The following CCDC179 variants were observed in gnomAD, a reference collection of about 807,000 sequenced individuals.
CCDC179 encodes coiled-coil domain-containing protein 179.
CCDC179 carries 17 observed loss-of-function variants against 12.0 expected under a neutral mutation model. The observed-to-expected ratio is 1.42, with a 90% CI of 0.97 to 2.13. The LOEUF (loss-of-function observed/expected upper bound fraction) is 2.13. Among genes scored for constraint, CCDC179 ranks in the 30% most tolerant of loss-of-function variants. The pLI is 0.00. For missense variants in CCDC179, 83 were observed against 78.6 expected (o/e 1.06, Z -0.21); for synonymous variants, 27 against 26.4 (o/e 1.02, Z -0.07).
In CCDC179 at chr11:22,857,905, G is replaced by A. The variant is rs1174538425; in HGVS notation, c.195+17C>T. The A allele has an allele frequency of 7.9e-7, 1 of 1,270,084 alleles. No homozygotes were observed. The highest frequency in any genetic ancestry group is 2.8e-5 in the Admixed American group (1 of 35,434). 78.7% of individuals were successfully genotyped at this position (1,270,084 alleles called of 1,614,324 possible). On this transcript the variant is annotated intron_variant, in intron 3 of 3. Coordinates refer to ENST00000532798, the MANE Select transcript of CCDC179 (RefSeq NM_001195637.2). ...CATTTAATGATCTGTTAATTTCAGT[G>A]AAACCTCTATACTTACTAGGAGTCC...
intron 3 of CCDC179, among the ~76,000 whole-genome samples, chr11:22,852,366 G>A (rs1262509406): frequency 6.6e-6 from 1 of 152,124 alleles, no homozygotes; most frequent in Non-Finnish European, 1.5e-5. Flanking sequence ...CTAATGAAAG[G>A]CCACAAGGTT....
chr11:22,850,498 G>A (rs1400441828), intron 3 of CCDC179, among the ~76,000 whole-genome samples: 1 of 152,074 alleles, frequency 6.6e-6, no homozygotes, highest in Admixed American at 6.6e-5. Flanking sequence ...TGTTTGATGT[G>A]CATTTAGCCT....
chr11:22,851,638 C>T (rs1858406170), intron 3 of CCDC179, among the ~76,000 whole-genome samples: 1 of 152,164 alleles, frequency 6.6e-6, no homozygotes, highest in Non-Finnish European at 1.5e-5. Context: ...TTACATTCAT[C>T]AGAGAAGTGA....
Position 22,860,143 on chromosome 11 carries a change from A to C in CCDC179, c.45+234T>G, listed in dbSNP as rs2240940. ...CTAGGGCAGGCCAATGGGGCAGTCAACATACAGGTGATGTACCTGACCCCT... is the reference window on the plus strand; with the variant it reads ...CTAGGGCAGGCCAATGGGGCAGTCACCATACAGGTGATGTACCTGACCCCT... On this transcript the variant is annotated intron_variant, in intron 1 of 3. Coordinates refer to ENST00000532798, the MANE Select transcript of CCDC179 (RefSeq NM_001195637.2). Among the ~76,000 whole-genome samples the C allele has an allele frequency of 5.4e-4, 82 of 152,330 alleles. No individual in the cohort carries two copies. The East Asian group carries it at 9.4e-3, about 18-fold the overall frequency.
intron 3 of CCDC179, among the ~76,000 whole-genome samples, chr11:22,856,772 CAAT>C (rs1332246230): frequency 6.6e-6 from 1 of 151,216 alleles, no homozygotes; most frequent in Non-Finnish European, 1.5e-5. Flanking sequence ...AAAGAATCAA[CAAT>C]AACAATAAAA....
intron 3 of CCDC179, among the ~76,000 whole-genome samples, chr11:22,851,986 G>A (rs772994917): frequency 6.6e-5 from 10 of 152,202 alleles, no homozygotes; most frequent in East Asian, 1.9e-4. Flanking sequence ...AGAGCTCTCC[G>A]TTCTCTTTAC....
intron 3 of CCDC179, among the ~76,000 whole-genome samples, chr11:22,855,938 G>A (rs1670255689): frequency 6.6e-6 from 1 of 151,196 alleles, no homozygotes; most frequent in Non-Finnish European, 1.5e-5. Context: ...AGATAAAACT[G>A]ACTAAATCTA....
chr11:22,856,036 C>T (rs991074255), intron 3 of CCDC179, among the ~76,000 whole-genome samples: 2 of 151,118 alleles, frequency 1.3e-5, no homozygotes, highest in South Asian at 2.1e-4. Flanking sequence ...TAATAATTAC[C>T]AATCTTTCAA....
chr11:22,855,193 C>G (rs1858505637), intron 3 of CCDC179, among the ~76,000 whole-genome samples: 1 of 151,600 alleles, frequency 6.6e-6, no homozygotes, highest in Non-Finnish European at 1.5e-5. Flanking sequence ...TGAACAGCAC[C>G]ATCAGTCAGT....
chr11:22,852,095 T>G (rs988769274), intron 3 of CCDC179, among the ~76,000 whole-genome samples: 7 of 152,214 alleles, frequency 4.6e-5, no homozygotes, highest in South Asian at 4.1e-4. Flanking sequence ...ACACAACTCC[T>G]GTTCCCTATA....
chr11:22,851,500 G>T (rs1858403316), intron 3 of CCDC179, among the ~76,000 whole-genome samples: 1 of 152,202 alleles, frequency 6.6e-6, no homozygotes, highest in Non-Finnish European at 1.5e-5. Flanking sequence ...GGGGTGGCCA[G>T]TTAAACAATT....
chr11:22,847,668 C>T (rs912694800), intron 3 of CCDC179, 147 bp from the exon 4 acceptor site: 1 of 407,744 alleles, frequency 2.5e-6, no homozygotes, highest in South Asian at 8.8e-5. Flanking sequence ...TCATTAATAG[C>T]TAGGAATGCT....
intron 3 of CCDC179, among the ~76,000 whole-genome samples, chr11:22,855,787 A>T (rs1858516099): frequency 6.6e-6 from 1 of 151,392 alleles, no homozygotes; most frequent in Non-Finnish European, 1.5e-5. Flanking sequence ...AGTAAAATTG[A>T]TAAACTTTTG....
intron 3 of CCDC179, among the ~76,000 whole-genome samples, chr11:22,849,640 C>T (rs1043993888): frequency 5.3e-5 from 8 of 152,086 alleles, no homozygotes; most frequent in African/African-American, 1.7e-4. Flanking sequence ...CTATACCCAA[C>T]GTATAGTCTT....
At chr11:22,850,433 C>G (rs762770240) in intron 3 of CCDC179, among the ~76,000 whole-genome samples, 8 of 152,274 alleles carry the variant, frequency 5.3e-5, no homozygotes, top group Non-Finnish European at 8.8e-5. Flanking sequence ...TTATTTTGTT[C>G]CATTTTATGG....
chr11:22,848,762 A>G (rs548154948), intron 3 of CCDC179, among the ~76,000 whole-genome samples: 1 of 152,312 alleles, frequency 6.6e-6, no homozygotes, highest in African/African-American at 2.4e-5. Flanking sequence ...GTAAAATGAG[A>G]AGAATTAACA....
chr11:22,853,692 T>A (rs7395367), intron 3 of CCDC179, among the ~76,000 whole-genome samples: 14 of 146,538 alleles, frequency 9.6e-5, no homozygotes, highest in East Asian at 2.0e-4. Context: ...AGGAAAAGGA[T>A]GAAGAGGAAG....
intron 1 of CCDC179, among the ~76,000 whole-genome samples, chr11:22,859,718 TA>T (rs1253370486): frequency 6.6e-6 from 1 of 152,122 alleles, no homozygotes; most frequent in African/African-American, 2.4e-5. Context: ...GATATTATGA[TA>T]AAAAAGAACC....
At chr11:22,859,337 T>C in intron 2 of CCDC179, 115 bp downstream of exon 2, 1 of 538,172 alleles carries the variant, frequency 1.9e-6, no homozygotes, top group African/African-American at 1.9e-5. Context: ...CCAAGAAATA[T>C]ACTGAAGTGT....
Sources: allele counts gnomAD v4.1 joint callset (sites outside exome capture counted in the v4.1 genomes callset), GRCh38; gene constraint gnomAD v4.1.1; transcripts MANE v1.5; gene names NCBI Gene and HGNC (gene_info 2026-07-23, HGNC 2026-07-21).